Variants in SCOC observed in about 807,000 individuals in gnomAD.
The protein encoded by SCOC is short coiled-coil protein, also known as short coiled coil protein.
SCOC carries 7 observed loss-of-function variants against 9.9 expected under a neutral mutation model. That is an observed-to-expected ratio of 0.71 (90% confidence interval 0.40 to 1.33). The LOEUF is 1.33. Among genes scored for constraint, SCOC ranks in the 40% most tolerant of loss-of-function variants. The pLI, the probability that SCOC is intolerant of heterozygous loss-of-function variation, is 0.01. For synonymous variants in SCOC, 19 were observed against 28.2 expected (o/e 0.67, Z 1.03); for missense variants, 66 against 89.7 (o/e 0.74, Z 1.07).
intron 2 of SCOC, among the ~76,000 whole-genome samples, chr4:140,349,995 G>T (rs1337262713): frequency 6.6e-6 from 1 of 152,134 alleles, no homozygotes; most frequent in Non-Finnish European, 1.5e-5. Flanking sequence ...GTCATTTCCT[G>T]CCACACCATT....
At chr4:140,307,009 A>G (rs1732010262) in intron 1 of SCOC, among the ~76,000 whole-genome samples, 1 of 152,084 alleles carries the variant, frequency 6.6e-6, no homozygotes, top group African/African-American at 2.4e-5. Context: ...CAATTAAGAG[A>G]TGGGGCCTTG....
chr4:140,326,117 A>G (rs1478451493), intron 1 of SCOC, among the ~76,000 whole-genome samples: 2 of 152,148 alleles, frequency 1.3e-5, no homozygotes, highest in African/African-American at 4.8e-5. Context: ...GACATCGTGT[A>G]AAAGGCACAA....
intron 1 of SCOC, among the ~76,000 whole-genome samples, chr4:140,275,207 A>G (rs1730955036): frequency 6.6e-6 from 1 of 152,228 alleles, no homozygotes; most frequent in Admixed American, 6.5e-5. Context: ...CCCTATATAC[A>G]CAGATATAAT....
intron 1 of SCOC, chr4:140,285,203 TC>T (rs1037708045): frequency 1.1e-5 from 5 of 456,776 alleles, no homozygotes; most frequent in African/African-American, 1.0e-4. Flanking sequence ...TCGATAGACA[TC>T]CTGTTGTATT....
At position 140,319,249 on chromosome 4, in the gene SCOC, G is replaced by A. The variant is rs141496074; in HGVS notation, c.-18-24372G>A. Among the ~76,000 whole-genome samples the A allele has an allele frequency of 9.3e-3, 1,416 of 152,082 alleles. 22 individuals carry two copies. The highest frequency in any genetic ancestry group is 0.028 in the African/African-American group (1,173 of 41,488). On this transcript the variant is annotated intron_variant, in intron 1 of 4. Coordinates refer to the SCOC transcript ENST00000394205. The stretch of plus-strand genomic sequence containing the variant: ...TGGGATTACAGCCATGCGCCACCAC[G>A]CCTGGCTAATTTTATATTTTTAGTA...
chr4:140,295,331 TA>T lies in SCOC; in HGVS notation c.-19+37931del, dbSNP rs563022588. 2.0e-3 allele frequency among the ~76,000 whole-genome samples: 303 copies of T among 149,864 alleles called. 1 individual carries two copies. Among genetic ancestry groups the T allele is most frequent in the Non-Finnish European group, 3.7e-3 (248 of 67,288 alleles). On this transcript the variant is annotated intron_variant, in intron 1 of 4. Coordinates refer to the SCOC transcript ENST00000394205. The stretch of plus-strand genomic sequence containing the variant: ...AACCATGGTTGCCTGGACCATGGGT[TA>T]AAAAAAAAATCTCAGAAGGCCCATC...
intron 1 of SCOC, among the ~76,000 whole-genome samples, chr4:140,377,800 A>G (rs1210892389): frequency 1.3e-5 from 2 of 152,188 alleles, no homozygotes. Flanking sequence ...TAGTTCTAGT[A>G]TGTAGATATC....
At chr4:140,281,095 C>A (rs1221016441) in intron 1 of SCOC, among the ~76,000 whole-genome samples, 1 of 152,136 alleles carries the variant, frequency 6.6e-6, no homozygotes, top group Non-Finnish European at 1.5e-5. Flanking sequence ...CTCATCCTCT[C>A]TCTATAGGAG....
chr4:140,369,260 G>T (rs560408731), upstream of SCOC: 84 of 448,718 alleles, frequency 1.9e-4, no homozygotes, highest in South Asian at 1.3e-3. Flanking sequence ...ATACAATTAC[G>T]TCTAGTTTTG....
intron 2 of SCOC, among the ~76,000 whole-genome samples, chr4:140,349,877 C>T (rs1020302180): frequency 2.0e-5 from 3 of 152,170 alleles, no homozygotes; most frequent in South Asian, 4.1e-4. Context: ...TCACTACCTC[C>T]GCCTGTAGAG....
intron 1 of SCOC, among the ~76,000 whole-genome samples, chr4:140,280,153 G>T (rs995613973): frequency 2.6e-5 from 4 of 152,068 alleles, no homozygotes; most frequent in African/African-American, 7.2e-5. Flanking sequence ...GTCTAGCTTT[G>T]TTGCTCAGGC....
At chr4:140,358,364 A>G (rs1727323442) in intron 2 of SCOC, among the ~76,000 whole-genome samples, 1 of 152,170 alleles carries the variant, frequency 6.6e-6, no homozygotes, top group Admixed American at 6.5e-5. Context: ...TTTATTACCC[A>G]TTTATGGAGT....
chr4:140,313,668 T>C (rs1232207720), intron 1 of SCOC, among the ~76,000 whole-genome samples: 1 of 152,184 alleles, frequency 6.6e-6, no homozygotes, highest in East Asian at 1.9e-4. Context: ...GTCTCGGACC[T>C]AAGAGCCTAA....
At chr4:140,329,826 A>G (rs1257138404) in intron 1 of SCOC, among the ~76,000 whole-genome samples, 1 of 152,198 alleles carries the variant, frequency 6.6e-6, no homozygotes, top group Non-Finnish European at 1.5e-5. Flanking sequence ...ATGTGGTGAA[A>G]AGGAAAACTT....
intron 1 of SCOC, among the ~76,000 whole-genome samples, chr4:140,337,388 AT>A (rs1338636289): frequency 6.6e-6 from 1 of 152,158 alleles, no homozygotes; most frequent in African/African-American, 2.4e-5. Context: ...AAAAAGAAAA[AT>A]AAAGTTGGAG....
At chr4:140,365,659 C>T (rs950030122) in intron 2 of SCOC, among the ~76,000 whole-genome samples, 8 of 152,154 alleles carry the variant, frequency 5.3e-5, no homozygotes, top group African/African-American at 1.9e-4. Context: ...AAGACCAACC[C>T]CTTCTCTTCC....
At chr4:140,270,495 G>A (rs1578757217) in intron 1 of SCOC, among the ~76,000 whole-genome samples, 1 of 152,124 alleles carries the variant, frequency 6.6e-6, no homozygotes, top group Non-Finnish European at 1.5e-5. Flanking sequence ...CACCATGCCT[G>A]GCTAATTTTT....
chr4:140,373,810 G>A, intron 1 of SCOC, 93 bp downstream of exon 1: 1 of 1,357,298 alleles, frequency 7.4e-7, no homozygotes, highest in Admixed American at 2.1e-5. Context: ...GGGGCGGGCT[G>A]GACGCGGCCC....
At chr4:140,325,789 A>T (rs530390966) in intron 1 of SCOC, among the ~76,000 whole-genome samples, 48 of 152,268 alleles carry the variant, frequency 3.2e-4, no homozygotes, top group African/African-American at 1.1e-3. Context: ...ATAAAGTTAA[A>T]CATATACTTA....
Sources: allele counts gnomAD v4.1 joint callset (sites outside exome capture counted in the v4.1 genomes callset), GRCh38; gene constraint gnomAD v4.1.1; transcripts MANE v1.5; gene names NCBI Gene and HGNC (gene_info 2026-07-23, HGNC 2026-07-21).